The following AFDN variants were observed in gnomAD, a reference collection of about 807,000 sequenced individuals.
AFDN encodes afadin.
Under a neutral mutation model 216.6 loss-of-function variants are expected in AFDN, and 68 were observed. The observed-to-expected ratio is 0.31, with a 90% CI of 0.26 to 0.38. AFDN has a LOEUF of 0.38. Ranked by LOEUF, AFDN falls within the 10% of genes least tolerant of loss-of-function variation. AFDN has a pLI of 1.00. For missense variants in AFDN, 2,136 were observed against 2,342.0 expected, an observed-to-expected ratio of 0.91 and a Z score of 1.82; for synonymous variants, 868 against 853.7, an observed-to-expected ratio of 1.02 and a Z score of -0.29.
chr6:167,946,704 C>G lies in AFDN; in HGVS notation c.3359-3C>G, dbSNP rs751866671. 1.9e-6 allele frequency: 3 copies of G among 1,612,732 alleles called. No homozygotes were observed. Among genetic ancestry groups the G allele is most frequent in the South Asian group, 1.1e-5 (1 of 90,852 alleles). On this transcript the variant is annotated splice_polypyrimidine_tract_variant and splice_region_variant and intron_variant, in intron 26 of 33. Transcript: ENST00000683244. Reference sequence around the variant, plus strand: ...AGAGATACTGAATATGCTTTGATTCCAGTTTCAGATCGTCGTGGCTCAGGT... The same window carrying G: ...AGAGATACTGAATATGCTTTGATTCGAGTTTCAGATCGTCGTGGCTCAGGT...
intron 30 of AFDN, among the ~76,000 whole-genome samples, chr6:167,955,583 T>C (rs1228544722): frequency 1.3e-5 from 2 of 152,160 alleles, no homozygotes; most frequent in South Asian, 2.1e-4. Flanking sequence ...ACCTGAGGCA[T>C]TGAAGATACC....
At chr6:167,840,509 T>C (rs1041762444) in intron 1 of AFDN, among the ~76,000 whole-genome samples, 6 of 152,228 alleles carry the variant, frequency 3.9e-5, no homozygotes, top group African/African-American at 1.4e-4. Context: ...TGGGGCTCAT[T>C]CTTGAACCAT....
chr6:167,942,643 A>G (rs1320257502), intron 23 of AFDN, among the ~76,000 whole-genome samples: 1 of 152,188 alleles, frequency 6.6e-6, no homozygotes, highest in Non-Finnish European at 1.5e-5. Flanking sequence ...TTACAGTTAC[A>G]GTACATGAGT....
At chr6:167,862,782 T>G (rs1343603323) in intron 1 of AFDN, among the ~76,000 whole-genome samples, 1 of 152,252 alleles carries the variant, frequency 6.6e-6, no homozygotes, top group Non-Finnish European at 1.5e-5. Context: ...AAGAGGTTGT[T>G]GATAGAATTT....
intron 6 of AFDN, among the ~76,000 whole-genome samples, chr6:167,881,947 A>G (rs1786166241): frequency 1.3e-5 from 2 of 152,238 alleles, no homozygotes; most frequent in African/African-American, 4.8e-5. Flanking sequence ...CCTTGCCCAC[A>G]TATATAGCCT....
At chr6:167,924,815 G>T (rs1181954008) in intron 22 of AFDN, 190 bp from the exon 23 acceptor site, 2 of 613,190 alleles carry the variant, frequency 3.3e-6, no homozygotes, top group Non-Finnish European at 6.0e-6. Flanking sequence ...CAAGAATATC[G>T]ATTTAGTTTA....
chr6:167,827,008 G>A lies in AFDN; in HGVS notation c.-125G>A, dbSNP rs1159533464. The A allele has an allele frequency of 1.3e-4, 30 of 230,030 alleles. No homozygotes were observed. The highest frequency in any genetic ancestry group is 2.0e-4 in the African/African-American group (8 of 40,826). The allele number at this position is 230,030 out of a possible 1,614,324, so 14.2% of individuals were successfully genotyped here. On this transcript the variant is annotated 5_prime_UTR_variant, in exon 1 of 34. Coordinates refer to ENST00000683244, the MANE Select transcript of AFDN (RefSeq NM_001386888.1). The stretch of plus-strand genomic sequence containing the variant: ...GACGCGGCGCGGCCGCGGAGGCGGA[G>A]GCAGCCGCGGAGGCGGAGGCGGCCG...
At chr6:167,943,537 A>G in intron 25 of AFDN, 62 bp downstream of exon 25, 1 of 1,347,672 alleles carries the variant, frequency 7.4e-7, no homozygotes, top group African/African-American at 1.4e-5. Flanking sequence ...TTTGCATTAA[A>G]TGTTGAAATT....
Position 167,875,682 on chromosome 6 carries a change from A to G in AFDN, c.739+187A>G, listed in dbSNP as rs142642743. ...GTACAAGAGTCCTGTTCACATAGGGATATGTTTAGTTTCATACTTTTACCC... is the reference window on the plus strand; with the variant it reads ...GTACAAGAGTCCTGTTCACATAGGGGTATGTTTAGTTTCATACTTTTACCC... On this transcript the variant is annotated intron_variant, in intron 5 of 33. Transcript: ENST00000683244. Among the ~76,000 whole-genome samples the G allele has an allele frequency of 0.022, 3,361 of 152,072 alleles. 61 individuals are homozygous for G. The highest frequency in any genetic ancestry group is 0.033 in the Non-Finnish European group (2,253 of 67,978).
At chr6:167,839,964 T>C (rs1178212536) in intron 1 of AFDN, among the ~76,000 whole-genome samples, 1 of 152,162 alleles carries the variant, frequency 6.6e-6, no homozygotes, top group Non-Finnish European at 1.5e-5. Context: ...CACACTGTAC[T>C]AGCACAGTGG....
intron 10 of AFDN, 73 bp from the exon 11 acceptor site, chr6:167,898,131 AC>A: frequency 6.5e-7 from 1 of 1,529,480 alleles, no homozygotes; most frequent in Non-Finnish European, 8.9e-7. Context: ...AGGGGTACTC[AC>A]GGTTTTAACA....
At chr6:167,922,701 A>G (rs543607829) in intron 21 of AFDN, among the ~76,000 whole-genome samples, 155 bp from the exon 22 acceptor site, 1 of 152,332 alleles carries the variant, frequency 6.6e-6, no homozygotes, top group African/African-American at 2.4e-5. Flanking sequence ...ATAATTTTAA[A>G]TGTCTGGTAA....
At chr6:167,943,272 T>C in intron 24 of AFDN, 78 bp downstream of exon 24, 1 of 1,459,686 alleles carries the variant, frequency 6.9e-7, no homozygotes, top group Non-Finnish European at 9.6e-7. Context: ...CTGCTGATAC[T>C]TCTAGTTATG....
chr6:167,913,382 C>T (rs1049106078), intron 15 of AFDN, 21 bp from the exon 16 acceptor site: 24 of 1,535,354 alleles, frequency 1.6e-5, no homozygotes, highest in Non-Finnish European at 2.0e-5. Context: ...GCTTGATTTC[C>T]CCTCGTCTGT....
In AFDN at chr6:167,914,632, A is replaced by G. The variant is rs577315887; in HGVS notation, c.2205-12A>G. ...CATGCTAAGATTACTTAAATTGTCTATGTATTTTCAGATACTTGGTTCACT... is the reference window on the plus strand; with the variant it reads ...CATGCTAAGATTACTTAAATTGTCTGTGTATTTTCAGATACTTGGTTCACT... On this transcript the variant is annotated splice_polypyrimidine_tract_variant and intron_variant, in intron 17 of 33. Coordinates refer to ENST00000683244, the MANE Select transcript of AFDN (RefSeq NM_001386888.1). 41 of 1,563,268 alleles carry G rather than the reference A, an allele frequency of 2.6e-5. No individual in the cohort carries two copies. The highest frequency in any genetic ancestry group is 6.7e-5 in the South Asian group (6 of 89,964).
chr6:167,955,195 C>G (rs1353090483), intron 30 of AFDN, among the ~76,000 whole-genome samples: 1 of 152,126 alleles, frequency 6.6e-6, no homozygotes, highest in African/African-American at 2.4e-5. Flanking sequence ...AAATTCTAGT[C>G]AACTTATAAA....
Position 167,952,171 on chromosome 6 carries a change from C to G in AFDN, c.4817C>G (p.Ala1606Gly). Residue 1606 changes from alanine (A) to glycine (G), a missense_variant, in exon 30 of 34, where the codon GCT (alanine) becomes GGT (glycine). Physicochemically the swap from Ala to Gly is moderately conservative, Grantham distance 60. Transcript: ENST00000683244. ...DTMLIMQRLE[A>G]ERRARLQDEE... ...ATGCTGATCATGCAGCGCCTGGAGG[C>G]TGAACGAAGAGCGAGGGTAAAGGGG... 6 of 1,614,174 alleles carry G rather than the reference C, an allele frequency of 3.7e-6. No homozygotes were observed. Among genetic ancestry groups the G allele is most frequent in the Non-Finnish European group, 5.1e-6 (6 of 1,180,028 alleles).
chr6:167,868,655 T>A (rs537896803), intron 2 of AFDN, among the ~76,000 whole-genome samples: 2 of 152,292 alleles, frequency 1.3e-5, no homozygotes, highest in East Asian at 3.9e-4. Flanking sequence ...GTTATCATCA[T>A]CCTTATCAGT....
intron 30 of AFDN, among the ~76,000 whole-genome samples, chr6:167,961,660 A>G (rs1236075810): frequency 6.6e-6 from 1 of 152,214 alleles, no homozygotes; most frequent in Non-Finnish European, 1.5e-5. Context: ...GAGGTAATGA[A>G]TTGTTAACAT....
Sources: gnomAD v4.1 joint callset for allele counts (sites outside exome capture counted in the v4.1 genomes callset) on GRCh38, gnomAD v4.1.1 for gene constraint, MANE v1.5 for transcripts, NCBI Gene and HGNC (gene_info 2026-07-23, HGNC 2026-07-21) for gene names.